Variants in MAPK10 observed in about 807,000 individuals in gnomAD.
MAPK10 encodes the protein mitogen-activated protein kinase 10, also known as JNK3 alpha protein kinase.
In MAPK10, 25 loss-of-function variants were observed where a neutral mutation model predicts 59.3. The observed-to-expected ratio is 0.42, with a 90% confidence interval of 0.31 to 0.59. The LOEUF (loss-of-function observed/expected upper bound fraction) is 0.59, where lower values mean the gene tolerates loss of function less well. Among genes scored for constraint, MAPK10 ranks in the 20% least tolerant of loss-of-function variants. MAPK10 has a pLI of 0.15. For synonymous variants in MAPK10, 190 were observed against 200.5 expected, an observed-to-expected ratio of 0.95 and a Z score of 0.44; for missense variants, 351 against 568.9, an observed-to-expected ratio of 0.62 and a Z score of 3.90.
chr4:86,227,552 G>A (rs1194174411), intron 2 of MAPK10, among the ~76,000 whole-genome samples: 2 of 151,658 alleles, frequency 1.3e-5, no homozygotes, highest in East Asian at 1.9e-4. Context: ...ACTATTCTCC[G>A]GTCTCTAAGA....
intron 9 of MAPK10, among the ~76,000 whole-genome samples, chr4:86,073,839 G>A (rs1245356306): frequency 9.2e-6 from 1 of 108,760 alleles, no homozygotes; most frequent in Non-Finnish European, 1.9e-5. Flanking sequence ...TGGAATAGGT[G>A]TGGTGTGGTG....
At position 86,017,505 on chromosome 4, in the gene MAPK10, C is replaced by T. The variant is rs1743880517; in HGVS notation, c.1253-135G>A. On this transcript the variant is annotated intron_variant, in intron 13 of 13. Coordinates refer to ENST00000641462, the MANE Select transcript of MAPK10 (RefSeq NM_138982.4). The surrounding 1 kb of genome is among the most constrained non-coding windows in gnomAD (Gnocchi z 4.4). ...AATCATTTGGCAAGCCTTTATAGAG[C>T]AGCTGACATAGGGGAGCATATCAAA... is the stretch of plus-strand genomic sequence containing the variant. 1.1e-6 allele frequency: 1 copy of T among 877,376 alleles called. No individual in the cohort carries two copies. The highest frequency in any genetic ancestry group is 2.5e-5 in the East Asian group (1 of 39,790). The allele number at this position is 877,376 out of a possible 1,614,324, so 54.3% of individuals were successfully genotyped here.
At chr4:86,066,838 T>C (rs1428357350) in intron 10 of MAPK10, among the ~76,000 whole-genome samples, 4 of 149,302 alleles carry the variant, frequency 2.7e-5, no homozygotes, top group African/African-American at 9.8e-5. Flanking sequence ...CAATACAAAA[T>C]CATCTTGCTA....
At position 86,236,553 on chromosome 4, in the gene MAPK10, G is replaced by A. The variant is rs116162719; in HGVS notation, c.-6-42146C>T. Among the ~76,000 whole-genome samples the A allele has an allele frequency of 3.2e-3, 485 of 152,306 alleles. 2 individuals are homozygous for A. Among genetic ancestry groups the A allele is most frequent in the African/African-American group, 0.011 (470 of 41,566 alleles). On this transcript the variant is annotated intron_variant, in intron 2 of 13. Coordinates refer to ENST00000641462, the MANE Select transcript of MAPK10 (RefSeq NM_138982.4). ...AAACCACAGAAGGGTCTTAAGAAGA[G>A]TGATATGATCTCATGTGTATTTTTC...
intron 2 of MAPK10, among the ~76,000 whole-genome samples, chr4:86,345,741 A>G (rs1300498726): frequency 6.6e-6 from 1 of 152,216 alleles, no homozygotes; most frequent in Non-Finnish European, 1.5e-5. Context: ...TCTTGAACAA[A>G]ACACCCCGCT....
chr4:86,281,391 C>T (rs1259918807), intron 2 of MAPK10, among the ~76,000 whole-genome samples: 2 of 151,984 alleles, frequency 1.3e-5, no homozygotes, highest in Non-Finnish European at 2.9e-5. Context: ...ATGCCACCTA[C>T]TTGGGAGACT....
chr4:86,458,430 C>A (rs1751431281), intron 1 of MAPK10, among the ~76,000 whole-genome samples: 1 of 152,002 alleles, frequency 6.6e-6, no homozygotes, highest in Non-Finnish European at 1.5e-5. Flanking sequence ...CCATTGCACT[C>A]CAGCCTGGGC....
intron 1 of MAPK10, among the ~76,000 whole-genome samples, chr4:86,421,324 T>C (rs1475856908): frequency 6.6e-6 from 1 of 152,174 alleles, no homozygotes; most frequent in Non-Finnish European, 1.5e-5. Context: ...ACATTTAATT[T>C]CTTATGCCTA....
chr4:86,168,905 C>T (rs2072984876), intron 3 of MAPK10, among the ~76,000 whole-genome samples: 1 of 152,120 alleles, frequency 6.6e-6, no homozygotes. Flanking sequence ...TCGCGGTTCA[C>T]AAAAATCCAC....
rs58506105 is a variant in MAPK10, at chr4:86,112,148, CAA to C, written c.237-4798_237-4797del. Among the ~76,000 whole-genome samples, 24 of 144,818 alleles carry C rather than the reference CAA, an allele frequency of 1.7e-4. 1 individual carries two copies. The highest frequency in any genetic ancestry group is 2.0e-4 in the East Asian group (1 of 5,046). ...TAGTGGTCTATTTTATTAACTTTTC[CAA>C]AAAAAAAAAACCAGCTCCTGATTCA... On this transcript the variant is annotated intron_variant, in intron 4 of 13. Coordinates refer to ENST00000641462, the MANE Select transcript of MAPK10 (RefSeq NM_138982.4).
chr4:86,073,309 G>A (rs983587209), intron 9 of MAPK10, among the ~76,000 whole-genome samples: 18 of 150,644 alleles, frequency 1.2e-4, no homozygotes, highest in South Asian at 4.2e-4. Flanking sequence ...TCTTGCTAGC[G>A]GTCTATCAAT....
intron 13 of MAPK10, chr4:86,024,102 T>C (rs1460751302): frequency 1.3e-5 from 2 of 152,012 alleles, no homozygotes; most frequent in African/African-American, 4.8e-5. Flanking sequence ...GAGTTGATTA[T>C]GTAGACACAT....
intron 4 of MAPK10, among the ~76,000 whole-genome samples, chr4:86,118,924 G>A (rs1464779731): frequency 2.0e-5 from 3 of 152,098 alleles, no homozygotes; most frequent in Non-Finnish European, 4.4e-5. Flanking sequence ...TTCTGCAATT[G>A]TTCCCCCTAA....
chr4:86,179,636 G>A (rs1294637555), intron 3 of MAPK10, among the ~76,000 whole-genome samples: 2 of 152,062 alleles, frequency 1.3e-5, no homozygotes, highest in Admixed American at 1.3e-4. Flanking sequence ...GCATGGCACT[G>A]GCATAAAAAC....
At chr4:86,048,055 C>G (rs1272074143) in intron 11 of MAPK10, among the ~76,000 whole-genome samples, 1 of 151,956 alleles carries the variant, frequency 6.6e-6, no homozygotes, top group East Asian at 1.9e-4. Flanking sequence ...TCATCATTTT[C>G]TAGAGTTTTT....
chr4:86,568,242 G>T (rs1761205926), intron 1 of MAPK10, among the ~76,000 whole-genome samples: 1 of 152,016 alleles, frequency 6.6e-6, no homozygotes, highest in Non-Finnish European at 1.5e-5. Context: ...TACCAATGAG[G>T]TGAAAAATCT....
chr4:86,358,165 C>T, intron 1 of MAPK10: 1 of 983,070 alleles, frequency 1.0e-6, no homozygotes. Context: ...TTGTGATATA[C>T]TTATATATTT....
chr4:86,524,863 C>T (rs1282328253), intron 1 of MAPK10, among the ~76,000 whole-genome samples: 3 of 151,776 alleles, frequency 2.0e-5, no homozygotes, highest in African/African-American at 2.4e-5. Flanking sequence ...AAAAAAAGCC[C>T]GCAATGACTT....
chr4:86,078,604 TACACACAC>T (rs35865395), intron 9 of MAPK10, among the ~76,000 whole-genome samples: 4 of 149,666 alleles, frequency 2.7e-5, no homozygotes, highest in Non-Finnish European at 3.0e-5. Flanking sequence ...TATATATATA[TACACACAC>T]ACACACACAC....
Sources: allele counts gnomAD v4.1 joint callset (sites outside exome capture counted in the v4.1 genomes callset), GRCh38; gene constraint gnomAD v4.1.1; non-coding constraint Gnocchi (gnomAD v3.1); transcripts MANE v1.5; gene names NCBI Gene and HGNC (gene_info 2026-07-23, HGNC 2026-07-21).